The following COL23A1 variants were observed in gnomAD, a reference collection of about 807,000 sequenced individuals.
The protein encoded by COL23A1 is collagen type XXIII alpha 1 chain, also known as collagen alpha-1(XXIII) chain.
In COL23A1, 97 loss-of-function variants were observed where a neutral mutation model predicts 99.3. The ratio of observed to expected loss-of-function variants is 0.98; its 90% CI spans 0.83 to 1.16. COL23A1 has a LOEUF of 1.16. COL23A1 is among the 50% of genes most tolerant of loss of function. The pLI, the probability that COL23A1 is intolerant of heterozygous loss-of-function variation, is 0.00. For synonymous variants in COL23A1, 320 were observed against 308.2 expected (o/e 1.04, Z -0.40); for missense variants, 762 against 757.4 (o/e 1.01, Z -0.07).
chr5:178,451,035 T>A (rs1485561102), intron 2 of COL23A1, among the ~76,000 whole-genome samples: 1 of 152,250 alleles, frequency 6.6e-6, no homozygotes, highest in Non-Finnish European at 1.5e-5. Flanking sequence ...GGTCTCTATG[T>A]TATTAAAACT....
chr5:178,491,746 T>C (rs550964631), intron 2 of COL23A1, among the ~76,000 whole-genome samples: 1 of 152,184 alleles, frequency 6.6e-6, no homozygotes, highest in African/African-American at 2.4e-5. Context: ...AATTAATTAA[T>C]TATTTTGAGA....
At chr5:178,250,009 A>G in intron 18 of COL23A1, 52 bp downstream of exon 18, 1 of 1,593,196 alleles carries the variant, frequency 6.3e-7, no homozygotes. Flanking sequence ...ACACACACAC[A>G]GAGCCCAATA....
intron 2 of COL23A1, among the ~76,000 whole-genome samples, chr5:178,517,270 T>C (rs994549051): frequency 6.6e-6 from 1 of 152,152 alleles, no homozygotes; most frequent in Admixed American, 6.5e-5. Context: ...GATAAGTGGA[T>C]AAAAGCAAAC....
intron 3 of COL23A1, among the ~76,000 whole-genome samples, chr5:178,296,974 C>CCTTTCCAGGG (rs1361442000): frequency 6.6e-6 from 1 of 152,228 alleles, no homozygotes; most frequent in Non-Finnish European, 1.5e-5. Flanking sequence ...ATGCCCAACC[C>CCTTTCCAGGG]CTTTCCAGGG....
intron 2 of COL23A1, among the ~76,000 whole-genome samples, chr5:178,475,732 T>C (rs968952212): frequency 6.6e-6 from 1 of 152,204 alleles, no homozygotes; most frequent in African/African-American, 2.4e-5. Flanking sequence ...GTGCTCCTTG[T>C]TGGAGCTCAG....
intron 11 of COL23A1, 125 bp downstream of exon 11, chr5:178,261,597 G>C: frequency 1.4e-6 from 1 of 694,092 alleles, no homozygotes; most frequent in Non-Finnish European, 2.6e-6. Context: ...CCAGGAATTT[G>C]ATCTCCTGAC....
intron 8 of COL23A1, among the ~76,000 whole-genome samples, chr5:178,264,019 T>G (rs1765776354): frequency 6.6e-6 from 1 of 152,098 alleles, no homozygotes; most frequent in South Asian, 2.1e-4. Flanking sequence ...ATTGAAGAGA[T>G]GGAGAGCCCA....
At chr5:178,355,658 G>A (rs773908202) in intron 2 of COL23A1, among the ~76,000 whole-genome samples, 51 of 152,270 alleles carry the variant, frequency 3.3e-4, no homozygotes, top group Non-Finnish European at 5.4e-4. Flanking sequence ...TCAGCCTCCC[G>A]AGTAGCTGGG....
chr5:178,326,091 T>A lies in COL23A1; in HGVS notation c.362-19172A>T, dbSNP rs1324856256. Among the ~76,000 whole-genome samples the A allele has an allele frequency of 2.6e-5, 4 of 152,168 alleles. No homozygotes were observed. The South Asian group carries it at 6.2e-4, about 24-fold the overall frequency. ...CATGTGTGTGGGAGACAGGCCCATT[T>A]TTTTTCCCAAGGATTTATGAGCGGG... On this transcript the variant is annotated intron_variant, in intron 2 of 28. Transcript: ENST00000390654.
At chr5:178,556,878 G>A (rs958816349) in intron 2 of COL23A1, among the ~76,000 whole-genome samples, 3 of 151,872 alleles carry the variant, frequency 2.0e-5, no homozygotes, top group Non-Finnish European at 4.4e-5. Flanking sequence ...GCTTGAATAC[G>A]GGAGGCAGAG....
chr5:178,385,171 G>A (rs979001263), intron 2 of COL23A1, among the ~76,000 whole-genome samples: 13 of 152,128 alleles, frequency 8.5e-5, no homozygotes, highest in Non-Finnish European at 1.2e-4. Flanking sequence ...CACTCCTCAG[G>A]AACTGGGGCT....
At chr5:178,409,622 T>G (rs562014405) in intron 2 of COL23A1, among the ~76,000 whole-genome samples, 5 of 152,366 alleles carry the variant, frequency 3.3e-5, no homozygotes, top group African/African-American at 1.2e-4. Flanking sequence ...CTCTGTACTA[T>G]TTTTGAAACA....
At chr5:178,273,266 G>T (rs1291297850) in intron 5 of COL23A1, among the ~76,000 whole-genome samples, 1 of 152,144 alleles carries the variant, frequency 6.6e-6, no homozygotes, top group African/African-American at 2.4e-5. Context: ...GCTGTTTCTG[G>T]AAGTGTCCAC....
intron 1 of COL23A1, chr5:178,562,743 G>GGGGTGT (rs1480993197): frequency 1.4e-5 from 2 of 143,366 alleles, no homozygotes; most frequent in South Asian, 2.3e-4. Context: ...TGGTGGGGGG[G>GGGGTGT]GTGCGGGCTT....
At chr5:178,263,079 G>A (rs1314173578) in intron 9 of COL23A1, 129 bp downstream of exon 9, 2 of 781,626 alleles carry the variant, frequency 2.6e-6, no homozygotes, top group African/African-American at 1.7e-5. Flanking sequence ...CAGGTTCAGT[G>A]TCTGGATTAG....
chr5:178,538,112 G>A (rs1761084539), intron 2 of COL23A1, among the ~76,000 whole-genome samples: 1 of 152,176 alleles, frequency 6.6e-6, no homozygotes, highest in Non-Finnish European at 1.5e-5. Flanking sequence ...ATTCATCTGT[G>A]CTACAGCTCA....
At chr5:178,449,988 A>T (rs1345539640) in intron 2 of COL23A1, among the ~76,000 whole-genome samples, 1 of 152,164 alleles carries the variant, frequency 6.6e-6, no homozygotes, top group Non-Finnish European at 1.5e-5. Flanking sequence ...GCAAGTTCAG[A>T]TACCAGATTC....
At chr5:178,379,989 C>G (rs1763291995) in intron 2 of COL23A1, among the ~76,000 whole-genome samples, 2 of 152,132 alleles carry the variant, frequency 1.3e-5, no homozygotes, top group Admixed American at 1.3e-4. Context: ...AGGGAGGCCC[C>G]ACAGCCTCAG....
intron 2 of COL23A1, among the ~76,000 whole-genome samples, chr5:178,431,797 T>G (rs1044832865): frequency 1.3e-4 from 20 of 152,212 alleles, no homozygotes; most frequent in Admixed American, 8.5e-4. Flanking sequence ...CCACCAAGTT[T>G]GTGATAATTT....
Sources: gnomAD v4.1 joint callset for allele counts (sites outside exome capture counted in the v4.1 genomes callset) on GRCh38, gnomAD v4.1.1 for gene constraint, MANE v1.5 for transcripts, NCBI Gene and HGNC (gene_info 2026-07-23, HGNC 2026-07-21) for gene names.